The following DPYD variants were observed in gnomAD, a reference collection of about 807,000 sequenced individuals.
DPYD encodes dihydropyrimidine dehydrogenase.
In DPYD, 109 loss-of-function variants were observed where a neutral mutation model predicts 116.2. The observed-to-expected ratio is 0.94, with a 90% CI of 0.80 to 1.10. DPYD has a LOEUF of 1.10. Among genes scored for constraint, DPYD ranks in the 50% least tolerant of loss-of-function variants. The pLI is 0.00. For synonymous variants in DPYD, 440 were observed against 432.0 expected (o/e 1.02, Z -0.23); for missense variants, 1,302 against 1,254.5 (o/e 1.04, Z -0.57).
At chr1:97,277,690 A>G (rs1285877495) in intron 18 of DPYD, among the ~76,000 whole-genome samples, 4 of 152,154 alleles carry the variant, frequency 2.6e-5, no homozygotes, top group Admixed American at 6.6e-5. Context: ...ACTGGTCTAA[A>G]CCACAACTGT....
chr1:97,555,012 C>T (rs927272012), intron 11 of DPYD, among the ~76,000 whole-genome samples: 6 of 152,064 alleles, frequency 3.9e-5, no homozygotes, highest in Non-Finnish European at 4.4e-5. Flanking sequence ...CCCAATTTCT[C>T]GGTCATATAC....
At chr1:97,282,630 G>A (rs1424585310) in intron 18 of DPYD, among the ~76,000 whole-genome samples, 1 of 151,994 alleles carries the variant, frequency 6.6e-6, no homozygotes, top group East Asian at 1.9e-4. Flanking sequence ...TTTGTTACAT[G>A]TATAAATTGC....
chr1:97,582,826 G>A (rs1279541527), intron 10 of DPYD, among the ~76,000 whole-genome samples: 1 of 152,148 alleles, frequency 6.6e-6, no homozygotes. Flanking sequence ...TCCCTTAACT[G>A]AGTCCTTACT....
At chr1:97,279,561 A>G (rs1375385031) in intron 18 of DPYD, among the ~76,000 whole-genome samples, 2 of 152,154 alleles carry the variant, frequency 1.3e-5, no homozygotes, top group African/African-American at 2.4e-5. Context: ...CTCAGGCTGG[A>G]GTGCAGTGGT....
At chr1:97,147,101 G>C (rs1654685965) in intron 20 of DPYD, among the ~76,000 whole-genome samples, 1 of 152,204 alleles carries the variant, frequency 6.6e-6, no homozygotes, top group Non-Finnish European at 1.5e-5. Context: ...TGTAATCCCA[G>C]CACTTTGGGA....
Position 97,559,249 on chromosome 1 carries a change from A to G in DPYD, c.1340-9505T>C, listed in dbSNP as rs140350948. 7.1e-3 allele frequency among the ~76,000 whole-genome samples: 1,076 copies of G among 152,300 alleles called. 6 individuals carry two copies. The highest frequency in any genetic ancestry group is 0.024 in the African/African-American group (1,002 of 41,576). On this transcript the variant is annotated intron_variant, in intron 11 of 22. Coordinates refer to ENST00000370192, the MANE Select transcript of DPYD (RefSeq NM_000110.4). ...TGAAAGGGGTTAAGAAAAATGTTTC[A>G]TATAAAATTCCCATTTGCTGCATTT...
chr1:97,732,650 C>T (rs4554755), intron 4 of DPYD, among the ~76,000 whole-genome samples: 37,313 of 151,822 alleles, frequency 0.25, 5,724 homozygotes, highest in East Asian at 0.43. Context: ...ATACCCCAGT[C>T]CTTTGTCTTT....
At position 97,604,325 on chromosome 1, in the gene DPYD, T is replaced by C. The variant is rs182841473; in HGVS notation, c.851-9159A>G. 5.3e-5 allele frequency among the ~76,000 whole-genome samples: 8 copies of C among 152,232 alleles called. No homozygotes were observed. In the East Asian group the frequency reaches 1.5e-3, roughly 29 times the overall value. On this transcript the variant is annotated intron_variant, in intron 8 of 22. Transcript: ENST00000370192. The stretch of plus-strand genomic sequence containing the variant: ...AAACCGCATCTCCTTATAGAACTGT[T>C]ATGTGGACAAGTAAGCATAAAATAG...
At chr1:97,182,068 G>A (rs1461480068) in intron 20 of DPYD, among the ~76,000 whole-genome samples, 4 of 152,094 alleles carry the variant, frequency 2.6e-5, no homozygotes, top group African/African-American at 4.8e-5. Flanking sequence ...GACCTTCTGG[G>A]TTTCAAGCAC....
intron 18 of DPYD, among the ~76,000 whole-genome samples, chr1:97,304,410 T>G (rs1667041226): frequency 1.3e-5 from 2 of 152,010 alleles, no homozygotes; most frequent in Non-Finnish European, 2.9e-5. Flanking sequence ...AATATAACCG[T>G]TTTTGTTCTT....
At chr1:97,207,737 G>A (rs1001602924) in intron 19 of DPYD, among the ~76,000 whole-genome samples, 10 of 152,086 alleles carry the variant, frequency 6.6e-5, no homozygotes, top group Admixed American at 6.6e-5. Flanking sequence ...GCCCAGAGAC[G>A]CTAAGGAAAA....
chr1:97,295,117 TA>T (rs1666441067), intron 18 of DPYD, among the ~76,000 whole-genome samples: 1 of 152,222 alleles, frequency 6.6e-6, no homozygotes, highest in South Asian at 2.1e-4. Flanking sequence ...CCTGGTTATG[TA>T]AACTCTGGCA....
intron 1 of DPYD, among the ~76,000 whole-genome samples, chr1:97,893,462 A>ATATATATATAG (rs1553256548): frequency 1.4e-5 from 2 of 139,842 alleles, no homozygotes; most frequent in African/African-American, 2.6e-5. Flanking sequence ...ATATATATAT[A>ATATATATATAG]GCAATGGAGA....
intron 2 of DPYD, among the ~76,000 whole-genome samples, chr1:97,864,525 C>G (rs532557346): frequency 1.3e-5 from 2 of 151,788 alleles, no homozygotes; most frequent in Admixed American, 6.6e-5. Flanking sequence ...TTTTTTCTCT[C>G]TCTCTCCCCT....
intron 14 of DPYD, among the ~76,000 whole-genome samples, chr1:97,396,475 C>T (rs764573241): frequency 7.2e-5 from 11 of 151,860 alleles, no homozygotes; most frequent in Non-Finnish European, 1.3e-4. Context: ...TGATCTTCGC[C>T]AGTGAGTTAT....
chr1:97,460,825 G>A, intron 13 of DPYD, among the ~76,000 whole-genome samples: 1 of 152,016 alleles, frequency 6.6e-6, no homozygotes, highest in East Asian at 1.9e-4. Context: ...GATCACCCGA[G>A]GTCGGGAGTT....
At chr1:97,476,364 C>A (rs999208884) in intron 13 of DPYD, among the ~76,000 whole-genome samples, 4 of 151,996 alleles carry the variant, frequency 2.6e-5, no homozygotes, top group Admixed American at 6.6e-5. Context: ...AAGATGACCC[C>A]TTTAGTAGAA....
At chr1:97,767,500 CT>C (rs1665927835) in intron 3 of DPYD, among the ~76,000 whole-genome samples, 3 of 146,592 alleles carry the variant, frequency 2.0e-5, no homozygotes, top group Non-Finnish European at 4.5e-5. Context: ...GTTCTGTTTC[CT>C]CTCTGGAACC....
chr1:97,872,515 T>C (rs932204176), intron 2 of DPYD, among the ~76,000 whole-genome samples: 1 of 151,954 alleles, frequency 6.6e-6, no homozygotes, highest in Non-Finnish European at 1.5e-5. Flanking sequence ...CCTCAGGAAA[T>C]TAAGAGTTAA....
Sources: gnomAD v4.1 joint callset for allele counts (sites outside exome capture counted in the v4.1 genomes callset) on GRCh38, gnomAD v4.1.1 for gene constraint, MANE v1.5 for transcripts, NCBI Gene and HGNC (gene_info 2026-07-23, HGNC 2026-07-21) for gene names.